Variants in POLR3E observed in about 807,000 individuals in gnomAD.
The protein encoded by POLR3E is DNA-directed RNA polymerase III subunit RPC5.
Under a neutral mutation model 96.6 loss-of-function variants are expected in POLR3E, and 41 were observed. The observed-to-expected ratio is 0.42, with a 90% CI of 0.33 to 0.55. POLR3E has a LOEUF of 0.55. POLR3E is among the 20% of genes least tolerant of loss of function. The probability of loss-of-function intolerance (pLI) is 0.06; values close to 1 mark genes in which losing one functional copy is unlikely to be tolerated. For missense variants in POLR3E, 849 were observed against 952.1 expected (o/e 0.89, Z 1.43); for synonymous variants, 396 against 383.6 (o/e 1.03, Z -0.38).
chr16:22,320,096 T>C (rs2048438808), intron 13 of POLR3E, among the ~76,000 whole-genome samples: 1 of 152,210 alleles, frequency 6.6e-6, no homozygotes, highest in Non-Finnish European at 1.5e-5. Context: ...TTGCTGCTTT[T>C]TACCCCATTC....
intron 20 of POLR3E, 130 bp downstream of exon 20, chr16:22,332,315 G>A (rs971644231): frequency 1.1e-5 from 9 of 784,042 alleles, no homozygotes; most frequent in South Asian, 1.8e-5. Context: ...AGTCAGTCTT[G>A]TCTTGAGCAA....
chr16:22,307,057 C>T (rs185855610), intron 3 of POLR3E, among the ~76,000 whole-genome samples: 1 of 152,300 alleles, frequency 6.6e-6, no homozygotes, highest in East Asian at 1.9e-4. Context: ...GTGCCAGTGA[C>T]CCCCGTGTGT....
In POLR3E at chr16:22,309,414, T is replaced by A. The variant is rs1488108531; in HGVS notation, c.282-14T>A. The A allele has an allele frequency of 6.2e-7, 1 of 1,606,958 alleles. No individual in the cohort carries two copies. The highest frequency in any genetic ancestry group is 8.5e-7 in the Non-Finnish European group (1 of 1,174,014). ...CTGCCTTCCCCTGTGACGTTGCTTC[T>A]CCCTGTGCTCCAGGAAGCTGATGGA... is the stretch of plus-strand genomic sequence containing the variant. On this transcript the variant is annotated splice_polypyrimidine_tract_variant and intron_variant, in intron 5 of 20. Transcript: ENST00000299853.
At chr16:22,320,870 A>C (rs574254094) in intron 13 of POLR3E, among the ~76,000 whole-genome samples, 1 of 152,028 alleles carries the variant, frequency 6.6e-6, no homozygotes, top group Admixed American at 6.5e-5. Flanking sequence ...TTCCGACTTC[A>C]TTGTTTCTGT....
chr16:22,325,397 C>A, intron 17 of POLR3E, 131 bp downstream of exon 17: 1 of 773,384 alleles, frequency 1.3e-6, no homozygotes, highest in Non-Finnish European at 2.2e-6. Flanking sequence ...CTTCACCCTC[C>A]TTCCTTTCCT....
intron 13 of POLR3E, among the ~76,000 whole-genome samples, chr16:22,319,376 A>C (rs1417068822): frequency 6.6e-6 from 1 of 151,096 alleles, no homozygotes; most frequent in Non-Finnish European, 1.5e-5. Context: ...TCCTGCCTAC[A>C]TTGCATTTAA....
At chr16:22,297,894 T>C (rs1598224099) in intron 1 of POLR3E, among the ~76,000 whole-genome samples, 1 of 151,852 alleles carries the variant, frequency 6.6e-6, no homozygotes, top group Non-Finnish European at 1.5e-5. Context: ...GTGGTGGGCG[T>C]GAGAAGGGGG....
intron 19 of POLR3E, among the ~76,000 whole-genome samples, chr16:22,330,154 C>G (rs1300183503): frequency 6.6e-6 from 1 of 151,898 alleles, no homozygotes; most frequent in Non-Finnish European, 1.5e-5. Context: ...GCTCACGCCT[C>G]TTGCGTTCAA....
Position 22,299,968 on chromosome 16 carries a change from G to A in POLR3E, c.-39+2431G>A, listed in dbSNP as rs1432025542. 2.0e-5 allele frequency among the ~76,000 whole-genome samples: 3 copies of A among 152,088 alleles called. No homozygotes were observed. In the East Asian group the frequency reaches 5.8e-4, roughly 29 times the overall value. ...GGTCTCAAGCAGTCCTTCCACCTAA[G>A]CCTCCCAAAGTGTTGGGATTACCGG... On this transcript the variant is annotated intron_variant, in intron 1 of 20. Coordinates refer to ENST00000299853, the MANE Select transcript of POLR3E (RefSeq NM_018119.4).
intron 1 of POLR3E, among the ~76,000 whole-genome samples, chr16:22,298,098 C>G (rs1187678237): frequency 1.3e-5 from 2 of 152,348 alleles, no homozygotes; most frequent in Admixed American, 6.5e-5. Context: ...GTTTACCGAG[C>G]CAACTCTGTG....
chr16:22,324,996 C>T (rs1295142878), intron 16 of POLR3E, among the ~76,000 whole-genome samples: 3 of 151,072 alleles, frequency 2.0e-5, no homozygotes, highest in Non-Finnish European at 3.0e-5. Context: ...GCCTGGGGAC[C>T]AGAGGGGTGT....
intron 18 of POLR3E, 39 bp downstream of exon 18, chr16:22,326,317 G>T: frequency 6.5e-6 from 3 of 462,446 alleles, no homozygotes; most frequent in Non-Finnish European, 1.3e-5. Flanking sequence ...TGGGGGGTGG[G>T]GGGTGGGGAG....
intron 14 of POLR3E, 99 bp downstream of exon 14, chr16:22,323,030 G>A: frequency 1.3e-6 from 1 of 747,662 alleles, no homozygotes; most frequent in Non-Finnish European, 2.3e-6. Context: ...GAGGCTCCAG[G>A]TGGAGGCGGG....
At chr16:22,310,796 C>T (rs935709065) in intron 6 of POLR3E, among the ~76,000 whole-genome samples, 1 of 151,946 alleles carries the variant, frequency 6.6e-6, no homozygotes, top group African/African-American at 2.4e-5. Flanking sequence ...GGTGGCACAT[C>T]CCTTAGTCCC....
chr16:22,323,100 C>T (rs1394084452), intron 14 of POLR3E, among the ~76,000 whole-genome samples, 169 bp downstream of exon 14: 2 of 151,634 alleles, frequency 1.3e-5, no homozygotes, highest in Non-Finnish European at 2.9e-5. Flanking sequence ...CCTGGAGTCT[C>T]GGGCTGGAAA....
At chr16:22,317,394 G>T (rs998406262) in intron 12 of POLR3E, among the ~76,000 whole-genome samples, 188 bp downstream of exon 12, 8 of 152,246 alleles carry the variant, frequency 5.3e-5, no homozygotes, top group Admixed American at 1.3e-4. Flanking sequence ...GCTCCCGCAG[G>T]CAGCCCGGGT....
intron 19 of POLR3E, among the ~76,000 whole-genome samples, chr16:22,330,988 C>T (rs1023359768): frequency 3.0e-4 from 15 of 50,768 alleles, no homozygotes; most frequent in Admixed American, 1.3e-3. Context: ...ATGAAGCATC[C>T]TTTTTTTTTT....
intron 12 of POLR3E, 68 bp downstream of exon 12, chr16:22,317,274 G>T (rs2048377125): frequency 2.6e-6 from 3 of 1,135,492 alleles, no homozygotes; most frequent in Non-Finnish European, 1.3e-6. Flanking sequence ...GGACTCTGTG[G>T]GACAGTGAGG....
intron 3 of POLR3E, among the ~76,000 whole-genome samples, chr16:22,307,870 C>T (rs568770254): frequency 1.4e-4 from 21 of 152,268 alleles, no homozygotes; most frequent in African/African-American, 4.8e-4. Context: ...AGCAGCGTGC[C>T]GGTTTGGGTT....
Sources: allele counts gnomAD v4.1 joint callset (sites outside exome capture counted in the v4.1 genomes callset), GRCh38; gene constraint gnomAD v4.1.1; transcripts MANE v1.5; gene names NCBI Gene and HGNC (gene_info 2026-07-23, HGNC 2026-07-21).